SIPA1L1: variants seen among roughly 807,000 people sequenced by gnomAD.
The protein encoded by SIPA1L1 is signal-induced proliferation-associated 1-like protein 1.
Under a neutral mutation model 162.7 loss-of-function variants are expected in SIPA1L1, and 26 were observed. That is an observed-to-expected ratio of 0.16 (90% CI 0.12 to 0.22). The LOEUF (loss-of-function observed/expected upper bound fraction) is 0.22, where lower values mean the gene tolerates loss of function less well. Ranked by LOEUF, SIPA1L1 falls within the 10% of genes least tolerant of loss-of-function variation. SIPA1L1 has a pLI of 1.00. For synonymous variants in SIPA1L1, 829 were observed against 837.4 expected, an observed-to-expected ratio of 0.99 and a Z score of 0.17; for missense variants, 1,874 against 2,241.0, an observed-to-expected ratio of 0.84 and a Z score of 3.31.
At chr14:71,702,556 G>C (rs1458136720) in intron 15 of SIPA1L1, 51 bp downstream of exon 15, 1 of 1,537,678 alleles carries the variant, frequency 6.5e-7, no homozygotes, top group Non-Finnish European at 9.0e-7. Flanking sequence ...AGGTGACTTA[G>C]GTCACCTCTT....
At chr14:71,700,039 A>G (rs1384167445) in intron 14 of SIPA1L1, among the ~76,000 whole-genome samples, 2 of 152,260 alleles carry the variant, frequency 1.3e-5, no homozygotes, top group African/African-American at 4.8e-5. Context: ...AGGACTGGGT[A>G]TCCCTTATAC....
rs527911349 is a variant in SIPA1L1 at position 71,573,536 on chromosome 14, G to T, written c.-302-14035G>T. 5 of 456,632 alleles carry T rather than the reference G, an allele frequency of 1.1e-5. No individual in the cohort carries two copies. The East Asian group carries it at 3.5e-4, about 32-fold the overall frequency. The allele number at this position is 456,632 out of a possible 1,614,324, so 28.3% of individuals were successfully genotyped here. A position where few individuals can be genotyped will look rare whatever the true frequency, so the allele number is the denominator to read the frequency against. The stretch of plus-strand genomic sequence containing the variant: ...TCAAGAGAAAGAGTGGATGTCTACA[G>T]CTGCACAAGGAAGGGCAAACCAGCA... On this transcript the variant is annotated intron_variant, in intron 4 of 23. Transcript: ENST00000381232.
At chr14:71,490,008 G>A (rs1201110838) in intron 2 of SIPA1L1, among the ~76,000 whole-genome samples, 1 of 152,180 alleles carries the variant, frequency 6.6e-6, no homozygotes, top group Non-Finnish European at 1.5e-5. Context: ...TCACACACAA[G>A]TCTAAGGTTT....
At chr14:71,661,261 G>C (rs1241771790) in intron 9 of SIPA1L1, 49 bp from the exon 10 acceptor site, 1 of 1,592,260 alleles carries the variant, frequency 6.3e-7, no homozygotes, top group East Asian at 2.2e-5. Context: ...GGGGTGGCGG[G>C]GGAAGCAAAT....
At chr14:71,395,895 G>A (rs980506590) in intron 2 of SIPA1L1, among the ~76,000 whole-genome samples, 5 of 152,142 alleles carry the variant, frequency 3.3e-5, no homozygotes, top group African/African-American at 4.8e-5. Flanking sequence ...TAAGGAATTA[G>A]TCTACATATT....
rs772410433 is a variant in SIPA1L1 at position 71,709,704 on chromosome 14, C to G, written c.4208+40C>G. On this transcript the variant is annotated intron_variant, in intron 17 of 23. Coordinates refer to ENST00000381232, the MANE Select transcript of SIPA1L1 (RefSeq NM_001386936.1). Reference sequence around the variant, plus strand: ...CCGCTGTCTGATTCCCAGCCCAGACCTAAGCCCAGTTCCCTGGCCTCAGCC... The same window carrying G: ...CCGCTGTCTGATTCCCAGCCCAGACGTAAGCCCAGTTCCCTGGCCTCAGCC... 3 of 1,559,508 alleles carry G rather than the reference C, an allele frequency of 1.9e-6. No individual in the cohort carries two copies. In the African/African-American group the frequency reaches 4.1e-5, roughly 21 times the overall value.
chr14:71,507,503 T>C (rs534007294), intron 2 of SIPA1L1, among the ~76,000 whole-genome samples: 1 of 152,310 alleles, frequency 6.6e-6, no homozygotes, highest in African/African-American at 2.4e-5. Context: ...GGTTGTTAAG[T>C]AGATTACTTT....
intron 2 of SIPA1L1, among the ~76,000 whole-genome samples, chr14:71,336,573 A>G (rs1314618519): frequency 6.6e-6 from 1 of 152,214 alleles, no homozygotes; most frequent in African/African-American, 2.4e-5. Flanking sequence ...TTCAAAACCA[A>G]ATATTCCCTG....
intron 2 of SIPA1L1, among the ~76,000 whole-genome samples, chr14:71,328,567 C>A (rs914876874): frequency 6.6e-6 from 1 of 152,134 alleles, no homozygotes; most frequent in Non-Finnish European, 1.5e-5. Context: ...CAGAATGCAG[C>A]CAACTGAGGA....
intron 2 of SIPA1L1, chr14:71,400,940 T>C (rs949410433): frequency 1.3e-5 from 2 of 152,162 alleles, no homozygotes; most frequent in Non-Finnish European, 2.9e-5. Context: ...AGTGGTGGTT[T>C]CCTTTAGGGA....
intron 22 of SIPA1L1, among the ~76,000 whole-genome samples, chr14:71,735,890 T>TA (rs2152861724): frequency 6.6e-6 from 1 of 152,380 alleles, no homozygotes; most frequent in Admixed American, 6.5e-5. Flanking sequence ...ACTGAGGTCC[T>TA]AAGGGCTTCT....
chr14:71,452,928 T>C (rs1484707113), intron 2 of SIPA1L1, among the ~76,000 whole-genome samples: 1 of 152,232 alleles, frequency 6.6e-6, no homozygotes, highest in African/African-American at 2.4e-5. Context: ...GTTCAGGATA[T>C]ACTGTACACC....
chr14:71,473,690 T>C (rs1024459315), intron 2 of SIPA1L1, among the ~76,000 whole-genome samples: 6 of 152,230 alleles, frequency 3.9e-5, no homozygotes, highest in Admixed American at 1.3e-4. Context: ...CATTCTGGGC[T>C]TTCTCTTTTA....
At chr14:71,620,179 C>G (rs2039277449) in intron 6 of SIPA1L1, among the ~76,000 whole-genome samples, 1 of 152,220 alleles carries the variant, frequency 6.6e-6, no homozygotes, top group Non-Finnish European at 1.5e-5. Context: ...AAGTGATTCT[C>G]CTGCCTCAGC....
At chr14:71,496,208 C>A (rs907375691) in intron 2 of SIPA1L1, among the ~76,000 whole-genome samples, 29 of 152,078 alleles carry the variant, frequency 1.9e-4, no homozygotes, top group Admixed American at 3.9e-4. Flanking sequence ...GTGGCATATG[C>A]CTGTGGTCCC....
intron 16 of SIPA1L1, among the ~76,000 whole-genome samples, chr14:71,708,727 A>G (rs2082660323): frequency 6.6e-6 from 1 of 152,112 alleles, no homozygotes; most frequent in South Asian, 2.1e-4. Flanking sequence ...CTCTGTATAA[A>G]TTTCACCTCA....
intron 2 of SIPA1L1, among the ~76,000 whole-genome samples, chr14:71,496,532 A>T (rs1249076392): frequency 6.6e-6 from 1 of 152,212 alleles, no homozygotes; most frequent in Non-Finnish European, 1.5e-5. Context: ...GACATTGCAA[A>T]TGGTCTAACC....
chr14:71,544,318 A>G (rs748372863), intron 4 of SIPA1L1, among the ~76,000 whole-genome samples: 10 of 151,398 alleles, frequency 6.6e-5, no homozygotes, highest in South Asian at 2.1e-4. Context: ...ATATACATAT[A>G]TGTATATACA....
At chr14:71,717,624 G>A (rs1231455667) in intron 17 of SIPA1L1, among the ~76,000 whole-genome samples, 1 of 152,134 alleles carries the variant, frequency 6.6e-6, no homozygotes, top group African/African-American at 2.4e-5. Context: ...CAGCCACACA[G>A]CTCCCCTTAA....
Sources: gnomAD v4.1 joint callset for allele counts (sites outside exome capture counted in the v4.1 genomes callset) on GRCh38, gnomAD v4.1.1 for gene constraint, MANE v1.5 for transcripts, NCBI Gene and HGNC (gene_info 2026-07-23, HGNC 2026-07-21) for gene names.